Variants in LARGE1 observed in about 807,000 individuals in gnomAD.
LARGE1 encodes the protein LARGE xylosyl- and glucuronyltransferase 1.
A neutral mutation model predicts 87.6 loss-of-function variants in LARGE1; 43 were observed. The ratio of observed to expected loss-of-function variants is 0.49; its 90% confidence interval spans 0.38 to 0.63. The LOEUF (loss-of-function observed/expected upper bound fraction) is 0.63. LARGE1 is among the 30% of genes least tolerant of loss of function. The probability of loss-of-function intolerance (pLI) is 0.00; values close to 1 mark genes in which losing one functional copy is unlikely to be tolerated. For synonymous variants in LARGE1, 434 were observed against 394.6 expected, an observed-to-expected ratio of 1.10 and a Z score of -1.18; for missense variants, 802 against 1,000.2, an observed-to-expected ratio of 0.80 and a Z score of 2.67.
At chr22:33,871,439 G>C (rs2064278125) in intron 1 of LARGE1, among the ~76,000 whole-genome samples, 1 of 152,164 alleles carries the variant, frequency 6.6e-6, no homozygotes, top group Non-Finnish European at 1.5e-5. Flanking sequence ...GCTCCATCTG[G>C]AAGGACATGG....
intron 2 of LARGE1, among the ~76,000 whole-genome samples, chr22:33,751,339 G>T (rs1210843196): frequency 6.6e-6 from 1 of 152,090 alleles, no homozygotes; most frequent in African/African-American, 2.4e-5. Context: ...AAATTAGCTG[G>T]GTGTGGTGGC....
intron 2 of LARGE1, among the ~76,000 whole-genome samples, chr22:33,721,340 G>A (rs140465824): frequency 9.5e-4 from 145 of 152,272 alleles, no homozygotes; most frequent in Admixed American, 3.3e-3. Flanking sequence ...TAGAATATGG[G>A]CAAAAATTCC....
intron 6 of LARGE1, among the ~76,000 whole-genome samples, chr22:33,531,527 C>T (rs2072202548): frequency 6.6e-6 from 1 of 152,220 alleles, no homozygotes; most frequent in South Asian, 2.1e-4. Flanking sequence ...GACCTCCACA[C>T]TTCCTTTTGA....
chr22:33,816,757 C>T (rs77788485), intron 1 of LARGE1, among the ~76,000 whole-genome samples: 2 of 151,462 alleles, frequency 1.3e-5, no homozygotes, highest in Non-Finnish European at 2.9e-5. Context: ...CAGATACAGA[C>T]AGACAATGTT....
intron 6 of LARGE1, among the ~76,000 whole-genome samples, chr22:33,553,435 G>C (rs1263968969): frequency 6.7e-6 from 1 of 149,602 alleles, no homozygotes; most frequent in Non-Finnish European, 1.5e-5. Flanking sequence ...AGAATCCCTT[G>C]AGTCCAGGAA....
At chr22:33,120,406 CTTT>C in the LARGE1 span, among the ~76,000 whole-genome samples, 2 of 91,950 alleles carry the variant, frequency 2.2e-5, no homozygotes, top group African/African-American at 1.3e-4. Flanking sequence ...TTCTTTCTTT[CTTT>C]CCTTCTTTCT....
rs139246421 is a variant in LARGE1 at position 33,861,094 on chromosome 22, G to A, written c.-83+58901C>T. ...GCATCGCCCAGGCAGCCTCTGCCTC[G>A]AACACCTCTCTTCTTCCTCCTTTTC... is the stretch of plus-strand genomic sequence containing the variant. On this transcript the variant is annotated intron_variant, in intron 1 of 14. Coordinates refer to ENST00000397394, the MANE Select transcript of LARGE1 (RefSeq NM_133642.5). 4.5e-4 allele frequency among the ~76,000 whole-genome samples: 68 copies of A among 152,218 alleles called. 1 individual carries two copies. The South Asian group carries it at 4.6e-3, about 10-fold the overall frequency.
chr22:33,674,793 G>A (rs1168018318), intron 2 of LARGE1, among the ~76,000 whole-genome samples: 1 of 152,122 alleles, frequency 6.6e-6, no homozygotes, highest in East Asian at 1.9e-4. Flanking sequence ...AGCTGTCTTG[G>A]CAGCATGGCT....
chr22:33,119,120 C>T, the LARGE1 span, among the ~76,000 whole-genome samples: 2 of 152,138 alleles, frequency 1.3e-5, no homozygotes, highest in Non-Finnish European at 2.9e-5. Flanking sequence ...TGCTAATGTC[C>T]TTTTAAAAAT....
At chr22:33,903,271 G>C (rs2065337412) in intron 1 of LARGE1, among the ~76,000 whole-genome samples, 1 of 152,196 alleles carries the variant, frequency 6.6e-6, no homozygotes, top group Non-Finnish European at 1.5e-5. Flanking sequence ...AGCAGGAAAA[G>C]ACAGCCACAT....
intron 1 of LARGE1, among the ~76,000 whole-genome samples, chr22:33,775,454 A>G (rs2085202747): frequency 1.3e-5 from 2 of 152,088 alleles, no homozygotes; most frequent in Admixed American, 1.3e-4. Flanking sequence ...TTCCCACACC[A>G]ACTCTGCTTT....
At chr22:33,877,817 G>A (rs1363753316) in intron 1 of LARGE1, among the ~76,000 whole-genome samples, 1 of 151,886 alleles carries the variant, frequency 6.6e-6, no homozygotes, top group Non-Finnish European at 1.5e-5. Context: ...AGCTACTCGG[G>A]AGGCTGAGGC....
At chr22:33,647,931 C>T (rs934556731) in intron 3 of LARGE1, among the ~76,000 whole-genome samples, 2 of 151,990 alleles carry the variant, frequency 1.3e-5, no homozygotes, top group Non-Finnish European at 2.9e-5. Context: ...CTGATTTTTG[C>T]TATTTTTAGT....
intron 1 of LARGE1, among the ~76,000 whole-genome samples, chr22:33,782,721 T>C (rs2085461909): frequency 1.3e-5 from 2 of 151,758 alleles, no homozygotes; most frequent in South Asian, 4.2e-4. Context: ...AAAAATTAGC[T>C]GGGCGTGGTG....
At chr22:33,528,283 G>C (rs532629908) in intron 6 of LARGE1, among the ~76,000 whole-genome samples, 2 of 152,136 alleles carry the variant, frequency 1.3e-5, no homozygotes, top group Non-Finnish European at 2.9e-5. Context: ...TATTCTAACA[G>C]GCTGGGGACT....
At chr22:33,521,933 G>A (rs2071621015) in intron 6 of LARGE1, among the ~76,000 whole-genome samples, 1 of 152,156 alleles carries the variant, frequency 6.6e-6, no homozygotes, top group African/African-American at 2.4e-5. Flanking sequence ...TTCCAATCAC[G>A]GCAGAAGGCA....
chr22:33,569,281 G>A (rs1256141075), intron 5 of LARGE1, among the ~76,000 whole-genome samples: 1 of 152,164 alleles, frequency 6.6e-6, no homozygotes, highest in East Asian at 1.9e-4. Context: ...GACTGAACAC[G>A]AGAGTGATGG....
In LARGE1 at chr22:33,428,909, G is replaced by C. The variant is rs1164443007; in HGVS notation, c.892+3252C>G. 7.9e-5 allele frequency among the ~76,000 whole-genome samples: 10 copies of C among 126,418 alleles called. No homozygotes were observed. In the Admixed American group the frequency reaches 8.4e-4, roughly 11 times the overall value. 82.9% of individuals were successfully genotyped at this position (126,418 alleles called of 152,430 possible). A position where few individuals can be genotyped will look rare whatever the true frequency, so the allele number is the denominator to read the frequency against. On this transcript the variant is annotated intron_variant, in intron 7 of 14. Coordinates refer to ENST00000397394, the MANE Select transcript of LARGE1 (RefSeq NM_133642.5). ...TGCGCCACTGCACTCCAGCCTGGGC[G>C]AAAGAGCGAGACTCTGTCTCAAAAA... is the stretch of plus-strand genomic sequence containing the variant.
intron 11 of LARGE1, among the ~76,000 whole-genome samples, chr22:33,225,216 G>T (rs994172701): frequency 3.3e-5 from 5 of 152,196 alleles, no homozygotes; most frequent in African/African-American, 4.8e-5. Context: ...AGGCAAGGTA[G>T]GACGGTCTGC....
Sources: gnomAD v4.1 joint callset for allele counts (sites outside exome capture counted in the v4.1 genomes callset) on GRCh38, gnomAD v4.1.1 for gene constraint, MANE v1.5 for transcripts, NCBI Gene and HGNC (gene_info 2026-07-23, HGNC 2026-07-21) for gene names.